Variants in SMCHD1 observed in about 807,000 individuals in gnomAD.
SMCHD1 encodes the protein structural maintenance of chromosomes flexible hinge domain-containing protein 1.
A neutral mutation model predicts 254.7 loss-of-function variants in SMCHD1; 78 were observed. That is an observed-to-expected ratio of 0.31 (90% CI 0.26 to 0.37). SMCHD1 has a LOEUF of 0.37. Among genes scored for constraint, SMCHD1 ranks in the 10% least tolerant of loss-of-function variants. The pLI is 1.00. For synonymous variants in SMCHD1, 766 were observed against 794.9 expected (o/e 0.96, Z 0.61); for missense variants, 1,840 against 2,408.1 (o/e 0.76, Z 4.94).
At chr18:2,673,405 G>GTA in intron 4 of SMCHD1, 42 bp downstream of exon 4, 1 of 1,326,344 alleles carries the variant, frequency 7.5e-7, no homozygotes, top group Non-Finnish European at 1.0e-6. Flanking sequence ...TTTTCCTTTT[G>GTA]TAAGAGTAAT....
intron 43 of SMCHD1, 35 bp downstream of exon 43, chr18:2,777,950 GAT>G: frequency 7.7e-7 from 1 of 1,291,960 alleles, no homozygotes; most frequent in Non-Finnish European, 1.1e-6. Context: ...CTTTTGTACA[GAT>G]GTTAAATTTG....
intron 33 of SMCHD1, 94 bp downstream of exon 33, chr18:2,751,487 A>C: frequency 3.0e-6 from 2 of 658,662 alleles, no homozygotes; most frequent in South Asian, 3.9e-5. Flanking sequence ...AATGTTATAT[A>C]AATTTGAGAA....
chr18:2,763,959 G>C, intron 37 of SMCHD1, 170 bp downstream of exon 37: 1 of 582,700 alleles, frequency 1.7e-6, no homozygotes, highest in Non-Finnish European at 2.8e-6. Flanking sequence ...TTGAACCCAA[G>C]ATCTTTATAA....
At position 2,752,013 on chromosome 18, in the gene SMCHD1, A is replaced by G. The variant is rs144212363; in HGVS notation, c.4282-475A>G. Among the ~76,000 whole-genome samples the G allele has an allele frequency of 1.2e-4, 18 of 152,282 alleles. No homozygotes were observed. In the East Asian group the frequency reaches 3.3e-3, roughly 28 times the overall value. On this transcript the variant is annotated intron_variant, in intron 33 of 47. Coordinates refer to ENST00000320876, the MANE Select transcript of SMCHD1 (RefSeq NM_015295.3). ...TATCAGTTCAGACCAGCCACATTTCAAGTGCCCAGTAGTCACACATAGCCA... is the reference window on the plus strand; with the variant it reads ...TATCAGTTCAGACCAGCCACATTTCGAGTGCCCAGTAGTCACACATAGCCA...
At position 2,740,702 on chromosome 18, in the gene SMCHD1, G is replaced by C; in HGVS notation, c.3515-1G>C. ...TAAAATAAAACTTCCCCCTTTTTTA[G>C]TTATAATAATTACAGATCAGTACGG... On this transcript the variant is annotated splice_acceptor_variant, in intron 27 of 47. Transcript: ENST00000320876. LOFTEE classifies it high-confidence loss of function. 1 of 1,524,172 alleles carries C rather than the reference G, an allele frequency of 6.6e-7. No individual in the cohort carries two copies. The allele number at this position is 1,524,172 out of a possible 1,614,324, so 94.4% of individuals were successfully genotyped here.
intron 39 of SMCHD1, among the ~76,000 whole-genome samples, chr18:2,770,860 A>T (rs1172695912): frequency 6.6e-6 from 1 of 152,130 alleles, no homozygotes; most frequent in East Asian, 1.9e-4. Context: ...ACCTCAAGTG[A>T]TCTGCCCACC....
intron 6 of SMCHD1, 36 bp downstream of exon 6, chr18:2,688,544 C>G (rs764825298): frequency 1.3e-6 from 2 of 1,595,432 alleles, no homozygotes; most frequent in Non-Finnish European, 1.7e-6. Context: ...GAAAGTTGAT[C>G]AAAATATTTT....
intron 31 of SMCHD1, 66 bp downstream of exon 31, chr18:2,750,188 G>A: frequency 6.8e-7 from 1 of 1,477,190 alleles, no homozygotes; most frequent in Non-Finnish European, 9.2e-7. Flanking sequence ...GCTTGCCGAA[G>A]TTACAGCTAA....
At chr18:2,679,532 A>G (rs2073876391) in intron 5 of SMCHD1, among the ~76,000 whole-genome samples, 4 of 144,548 alleles carry the variant, frequency 2.8e-5, no homozygotes, top group African/African-American at 7.4e-5. Context: ...TTGTCTTTCA[A>G]CACTTTGAAT....
rs984358806 is a variant in SMCHD1, at chr18:2,769,603, T to C, written c.4720-91T>C. 2.4e-5 allele frequency: 33 copies of C among 1,399,130 alleles called. No individual in the cohort carries two copies. In the African/African-American group the frequency reaches 4.1e-4, roughly 17 times the overall value. The allele number at this position is 1,399,130 out of a possible 1,614,324, so 86.7% of individuals were successfully genotyped here. On this transcript the variant is annotated intron_variant, in intron 37 of 47. Coordinates refer to ENST00000320876, the MANE Select transcript of SMCHD1 (RefSeq NM_015295.3). ...TGGCCTTTAAAATTAACCACTTACT[T>C]GAAAACAGCATAATGAGTTATGTAA... is the stretch of plus-strand genomic sequence containing the variant.
At chr18:2,695,490 A>G (rs2074267583) in intron 8 of SMCHD1, among the ~76,000 whole-genome samples, 1 of 152,010 alleles carries the variant, frequency 6.6e-6, no homozygotes, top group African/African-American at 2.4e-5. Context: ...TTGTATTTTT[A>G]GTAGAGACAG....
chr18:2,656,190 G>A lies in SMCHD1; in HGVS notation c.115G>A (p.Glu39Lys). The change falls in exon 1 of 48, where the codon GAG becomes AAG. Residue 39 changes from glutamate (E) to lysine (K), a missense_variant. Glu to Lys is a moderately conservative substitution (Grantham distance 56). This residue lies in a region of SMCHD1 where 115 missense variants were observed against 99.1 expected (regional missense o/e 1.16). Transcript: ENST00000320876. The stretch of plus-strand genomic sequence containing the variant: ...GTTTGATCGGCGCGAAAAGGAGTCC[G>A]AGCTCGGGGACCGGCCTCTGCAGGT... ...YLFDRREKES[E>K]LGDRPLQVGE... is the part of the protein sequence containing the mutation. The A allele has an allele frequency of 6.6e-7, 1 of 1,505,174 alleles. No individual in the cohort carries two copies. The highest frequency in any genetic ancestry group is 1.3e-5 in the South Asian group (1 of 76,468). 93.2% of individuals were successfully genotyped at this position (1,505,174 alleles called of 1,614,324 possible).
intron 7 of SMCHD1, among the ~76,000 whole-genome samples, chr18:2,691,056 C>A (rs1278414221): frequency 1.3e-5 from 2 of 150,336 alleles, no homozygotes; most frequent in African/African-American, 4.9e-5. Flanking sequence ...ACTTAATATA[C>A]CCTTTGTGCA....
At chr18:2,728,951 GAAA>G (rs370623037) in intron 23 of SMCHD1, 37 of 168,196 alleles carry the variant, frequency 2.2e-4, no homozygotes, top group Non-Finnish European at 3.1e-4. Flanking sequence ...TTACTTTAGG[GAAA>G]AAAAAAAAAA....
intron 17 of SMCHD1, among the ~76,000 whole-genome samples, chr18:2,717,596 T>C (rs539777620): frequency 6.6e-6 from 1 of 152,348 alleles, no homozygotes; most frequent in African/African-American, 2.4e-5. Context: ...ATTACAGGCA[T>C]GAGCCACCAC....
Position 2,784,631 on chromosome 18 carries a change from A to G in SMCHD1, c.5719+10A>G, listed in dbSNP as rs372447642. 121 of 1,559,936 alleles carry G rather than the reference A, an allele frequency of 7.8e-5. No individual in the cohort carries two copies. Among genetic ancestry groups the G allele is most frequent in the Non-Finnish European group, 1.0e-4 (116 of 1,159,264 alleles). ...TTAGGGGAACAAATAGGTAAGTTGA[A>G]TAAGTACTTAAATAGCAATTTCTAA... On this transcript the variant is annotated intron_variant, in intron 45 of 47. Coordinates refer to ENST00000320876, the MANE Select transcript of SMCHD1 (RefSeq NM_015295.3).
At chr18:2,749,755 CTA>C (rs552463252) in intron 30 of SMCHD1, among the ~76,000 whole-genome samples, 132 of 152,268 alleles carry the variant, frequency 8.7e-4, no homozygotes, top group African/African-American at 3.1e-3. Context: ...TTCATTTGAT[CTA>C]TCAGTGATAT....
At chr18:2,748,390 ATTT>A (rs67175512) in intron 30 of SMCHD1, among the ~76,000 whole-genome samples, 1 of 92,700 alleles carries the variant, frequency 1.1e-5, no homozygotes, top group Non-Finnish European at 1.9e-5. Context: ...GTGTATATAA[ATTT>A]TTTTTTTTTT....
At chr18:2,732,642 T>G in intron 25 of SMCHD1, 150 bp downstream of exon 25, 1 of 564,996 alleles carries the variant, frequency 1.8e-6, no homozygotes, top group East Asian at 3.0e-5. Context: ...CAGAATAAGC[T>G]TTTTTCATGG....
Sources: gnomAD v4.1 joint callset for allele counts (sites outside exome capture counted in the v4.1 genomes callset) on GRCh38, gnomAD v4.1.1 for gene constraint, gnomAD v4.1.1 regional missense constraint, MANE v1.5 for transcripts, NCBI Gene and HGNC (gene_info 2026-07-23, HGNC 2026-07-21) for gene names.